The following WDFY3 variants were observed in gnomAD, a reference collection of about 807,000 sequenced individuals.
WDFY3 encodes the protein WD repeat and FYVE domain-containing protein 3.
In WDFY3, 66 loss-of-function variants were observed where a neutral mutation model predicts 409.6. The observed-to-expected ratio is 0.16, with a 90% CI of 0.13 to 0.20. The LOEUF is 0.20. Among genes scored for constraint, WDFY3 ranks in the 10% least tolerant of loss-of-function variants. The probability of loss-of-function intolerance (pLI) is 1.00; values close to 1 mark genes in which losing one functional copy is unlikely to be tolerated. For synonymous variants in WDFY3, 1,521 were observed against 1,537.1 expected (o/e 0.99, Z 0.25); for missense variants, 3,031 against 4,298.1 (o/e 0.71, Z 8.24).
chr4:84,914,149 T>C (rs368704735), intron 2 of WDFY3, among the ~76,000 whole-genome samples: 6 of 152,216 alleles, frequency 3.9e-5, no homozygotes, highest in East Asian at 3.9e-4. Context: ...GGGCCGGGTG[T>C]GGTGGTTCAC....
chr4:84,743,711 T>C lies in WDFY3; in HGVS notation c.6062A>G (p.Asp2021Gly). ...DSVMDHLLAA[D>G]VLLGEDASLP... ...AAACACAGAATTACCTAATAACACA[T>C]CAGCTGCAAGCAAATGGTCCATCAC... Residue 2021 changes from aspartate (D) to glycine (G), a missense_variant, in exon 37 of 68, where the codon GAT (aspartate) becomes GGT (glycine). Coordinates refer to ENST00000295888, the MANE Select transcript of WDFY3 (RefSeq NM_014991.6). 6.4e-7 allele frequency: 1 copy of C among 1,572,626 alleles called. No individual in the cohort carries two copies. The highest frequency in any genetic ancestry group is 8.7e-7 in the Non-Finnish European group (1 of 1,155,260).
At chr4:84,693,618 C>T (rs1729612047) in intron 58 of WDFY3, among the ~76,000 whole-genome samples, 2 of 152,116 alleles carry the variant, frequency 1.3e-5, no homozygotes, top group African/African-American at 4.8e-5. Context: ...ATATTAATGG[C>T]TGGGTGAGGT....
At chr4:84,930,215 A>C (rs1241266488) in intron 2 of WDFY3, among the ~76,000 whole-genome samples, 1 of 152,200 alleles carries the variant, frequency 6.6e-6, no homozygotes, top group Admixed American at 6.5e-5. Context: ...TTCTATCAAC[A>C]ATACCAAAAT....
chr4:84,705,374 T>C lies in WDFY3; in HGVS notation c.8335+20A>G. On this transcript the variant is annotated intron_variant, in intron 54 of 67. Coordinates refer to ENST00000295888, the MANE Select transcript of WDFY3 (RefSeq NM_014991.6). ...TTTGAAACTTGGGTACAAAGTCCAA[T>C]GACAGAAAAAGTTCCTTACCATTAG... 1 of 1,599,778 alleles carries C rather than the reference T, an allele frequency of 6.3e-7. No homozygotes were observed. Among genetic ancestry groups the C allele is most frequent in the African/African-American group, 1.3e-5 (1 of 74,694 alleles).
chr4:84,836,887 C>T, intron 7 of WDFY3, 42 bp downstream of exon 7: 1 of 1,390,458 alleles, frequency 7.2e-7, no homozygotes, highest in Non-Finnish European at 9.4e-7. Context: ...TACCCACTTC[C>T]CTTTAAATAG....
intron 30 of WDFY3, among the ~76,000 whole-genome samples, chr4:84,770,846 T>C (rs1301590315): frequency 6.6e-6 from 1 of 152,232 alleles, no homozygotes; most frequent in Non-Finnish European, 1.5e-5. Context: ...GCCACAGTTT[T>C]CATTTTTTAG....
intron 2 of WDFY3, among the ~76,000 whole-genome samples, chr4:84,905,271 G>A (rs750105123): frequency 6.6e-6 from 1 of 152,210 alleles, no homozygotes; most frequent in Non-Finnish European, 1.5e-5. Flanking sequence ...GGGAGGTGGA[G>A]GTTGCAGTGA....
chr4:84,724,954 G>A (rs748061782), intron 45 of WDFY3, among the ~76,000 whole-genome samples: 1 of 152,192 alleles, frequency 6.6e-6, no homozygotes, highest in Non-Finnish European at 1.5e-5. Flanking sequence ...CAAACAGCCT[G>A]TCTAGTCTGT....
intron 42 of WDFY3, among the ~76,000 whole-genome samples, chr4:84,735,423 T>G (rs1048807670): frequency 2.6e-5 from 4 of 152,062 alleles, no homozygotes; most frequent in African/African-American, 9.7e-5. Context: ...CATCCAACGA[T>G]CTAGGGGTAA....
chr4:84,678,893 G>A (rs952627315), intron 65 of WDFY3, 26 bp downstream of exon 65: 12 of 1,591,420 alleles, frequency 7.5e-6, no homozygotes, highest in Non-Finnish European at 1.0e-5. Flanking sequence ...TAAGGAGTGA[G>A]AAATAGATAC....
intron 50 of WDFY3, 126 bp from the exon 51 acceptor site, chr4:84,713,365 G>A: frequency 1.3e-6 from 1 of 752,126 alleles, no homozygotes; most frequent in South Asian, 1.7e-5. Flanking sequence ...CCCACTAAAT[G>A]GCAGGCAAAA....
chr4:84,951,957 T>A (rs566479328), intron 1 of WDFY3, among the ~76,000 whole-genome samples: 1 of 152,068 alleles, frequency 6.6e-6, no homozygotes, highest in African/African-American at 2.4e-5. Flanking sequence ...GCTGAGAAAA[T>A]TGAAAGTGCA....
chr4:84,894,957 A>AAG (rs1765436932), intron 3 of WDFY3, among the ~76,000 whole-genome samples: 1 of 151,602 alleles, frequency 6.6e-6, no homozygotes, highest in Admixed American at 6.6e-5. Context: ...CAAAAAAAAA[A>AAG]AAAAAAAAAG....
chr4:84,675,920 C>A (rs1726210408), intron 67 of WDFY3, among the ~76,000 whole-genome samples: 1 of 151,966 alleles, frequency 6.6e-6, no homozygotes, highest in Non-Finnish European at 1.5e-5. Flanking sequence ...TCATGTTATA[C>A]CCCAAAATAA....
chr4:84,966,353 G>C lies in WDFY3; in HGVS notation c.-370C>G, dbSNP rs1316655429. The C allele has an allele frequency of 6.7e-6, 1 of 149,686 alleles. No homozygotes were observed. The highest frequency in any genetic ancestry group is 2.0e-4 in the East Asian group (1 of 5,048). The allele number at this position is 149,686 out of a possible 1,614,324, so 9.3% of individuals were successfully genotyped here. ...GCGGGGCCCGGGAGCCCCGCGCCGC[G>C]GGCCGGGGGCCGGGGCCCGAGCTCG... On this transcript the variant is annotated 5_prime_UTR_variant, in exon 1 of 68. Transcript: ENST00000295888.
intron 48 of WDFY3, among the ~76,000 whole-genome samples, chr4:84,718,057 C>CAAAA (rs35076143): frequency 6.5e-5 from 4 of 61,350 alleles, no homozygotes; most frequent in Non-Finnish European, 8.6e-5. Flanking sequence ...GACACTGTCT[C>CAAAA]AAAAAAAAAA....
chr4:84,836,837 G>T, intron 7 of WDFY3, 92 bp downstream of exon 7: 1 of 1,157,838 alleles, frequency 8.6e-7, no homozygotes, highest in Non-Finnish European at 1.1e-6. Context: ...TGAAATATGA[G>T]TTAAAAAATG....
Position 84,774,935 on chromosome 4 carries a change from G to C in WDFY3, c.4639C>G (p.Pro1547Ala). Residue 1547 changes from proline to alanine, a missense_variant, in exon 29 of 68, where the codon CCA becomes GCA. By Grantham distance (27) the Pro-to-Ala change is conservative. This residue lies in a region of WDFY3 where 342 missense variants were observed against 463.7 expected (regional missense o/e 0.74). Transcript: ENST00000295888. ...TCTCGAAGAGTCAGGAGCAGCTTTG[G>C]GATTAACTGGAATTCTCTCATTAAT... ...AKLMREFQLI[P>A]KLLLTLRDMS... 2 of 1,613,874 alleles carry C rather than the reference G, an allele frequency of 1.2e-6. No homozygotes were observed. Among genetic ancestry groups the C allele is most frequent in the Non-Finnish European group, 1.7e-6 (2 of 1,179,870 alleles).
chr4:84,850,108 T>A, intron 4 of WDFY3, 83 bp from the exon 5 acceptor site: 2 of 1,455,470 alleles, frequency 1.4e-6, no homozygotes, highest in Non-Finnish European at 1.8e-6. Flanking sequence ...TGGTATGACT[T>A]GAAAATCAAG....
Sources: allele counts gnomAD v4.1 joint callset (sites outside exome capture counted in the v4.1 genomes callset), GRCh38; gene constraint gnomAD v4.1.1; regional missense constraint gnomAD v4.1.1; transcripts MANE v1.5; gene names NCBI Gene and HGNC (gene_info 2026-07-23, HGNC 2026-07-21).